Variants in DOCK9 observed in about 807,000 individuals in gnomAD.
DOCK9 encodes the protein dedicator of cytokinesis protein 9.
In DOCK9, 89 loss-of-function variants were observed where a neutral mutation model predicts 263.3. The observed-to-expected ratio is 0.34, with a 90% confidence interval of 0.28 to 0.40. The LOEUF is 0.40. Among genes scored for constraint, DOCK9 ranks in the 10% least tolerant of loss-of-function variants. The pLI is 1.00. For synonymous variants in DOCK9, 976 were observed against 973.1 expected (o/e 1.00, Z -0.06); for missense variants, 2,140 against 2,603.4 (o/e 0.82, Z 3.87).
Position 98,876,317 on chromosome 13 carries a change from C to T in DOCK9, c.2943+3581G>A, listed in dbSNP as rs573270931. On this transcript the variant is annotated intron_variant, in intron 27 of 52. Transcript: ENST00000682017. Reference sequence around the variant, plus strand: ...GACCAGCCTGGCCAACATGGTGAAACCCTGTCTCTATTAAAAATATAAAAT... The same window carrying T: ...GACCAGCCTGGCCAACATGGTGAAATCCTGTCTCTATTAAAAATATAAAAT... 6.6e-5 allele frequency among the ~76,000 whole-genome samples: 10 copies of T among 152,268 alleles called. No individual in the cohort carries two copies. In the South Asian group the frequency reaches 2.1e-3, roughly 32 times the overall value.
intron 52 of DOCK9, chr13:98,796,126 T>C: frequency 9.4e-6 from 10 of 1,069,082 alleles, no homozygotes; most frequent in Non-Finnish European, 1.4e-5. Context: ...TGCCAATGTC[T>C]GTAGTTGCTC....
chr13:98,948,853 C>A (rs1458655265), intron 2 of DOCK9, among the ~76,000 whole-genome samples: 2 of 152,176 alleles, frequency 1.3e-5, no homozygotes, highest in Non-Finnish European at 2.9e-5. Flanking sequence ...TCCTCAGGGT[C>A]CATCCATATT....
chr13:98,846,813 A>T (rs908816641), intron 37 of DOCK9: 3 of 352,444 alleles, frequency 8.5e-6, no homozygotes, highest in African/African-American at 4.3e-5. Flanking sequence ...AGTGTTCATC[A>T]AACTCGACCA....
rs1473662809 is a variant in DOCK9 at position 98,845,926 on chromosome 13, T to G, written c.4196A>C (p.His1399Pro). The G allele has an allele frequency of 1.2e-6, 2 of 1,613,144 alleles. No homozygotes were observed. Among genetic ancestry groups the G allele is most frequent in the Non-Finnish European group, 1.7e-6 (2 of 1,179,684 alleles). Residue 1399 changes from histidine (H) to proline (P), a missense_variant and splice_region_variant, in exon 38 of 53, where the codon CAC becomes CCC. Transcript: ENST00000682017. The stretch of plus-strand genomic sequence containing the variant: ...CGATGGCATGTCATGGGACTTACTG[T>G]GGTTAAAAGTGAGAGAGTTATCCAG... The part of the protein sequence containing the change: ...GSLDNSLTFN[H>P]SYGHSDADVL...
At chr13:98,908,272 G>A (rs2049419845) in intron 9 of DOCK9, among the ~76,000 whole-genome samples, 1 of 152,204 alleles carries the variant, frequency 6.6e-6, no homozygotes. Flanking sequence ...AAGATGCAGA[G>A]AAACAGAAAT....
intron 45 of DOCK9, among the ~76,000 whole-genome samples, chr13:98,815,788 G>A (rs1460632965): frequency 1.3e-5 from 2 of 152,144 alleles, no homozygotes; most frequent in Non-Finnish European, 2.9e-5. Context: ...GCCGAGAAAT[G>A]TAAAGTTTTT....
At chr13:98,884,201 A>T (rs1333691296) in intron 21 of DOCK9, among the ~76,000 whole-genome samples, 1 of 152,212 alleles carries the variant, frequency 6.6e-6, no homozygotes, top group Non-Finnish European at 1.5e-5. Flanking sequence ...TCTGAACCCA[A>T]CTTGAGCTCA....
chr13:99,078,193 C>T (rs908523476), intron 1 of DOCK9, among the ~76,000 whole-genome samples: 12 of 152,088 alleles, frequency 7.9e-5, no homozygotes, highest in Non-Finnish European at 1.6e-4. Flanking sequence ...AGGTCTAGGG[C>T]GGGGCACAAC....
intron 2 of DOCK9, among the ~76,000 whole-genome samples, chr13:98,948,353 CTTTCT>C (rs1447213886): frequency 6.6e-6 from 1 of 152,092 alleles, no homozygotes; most frequent in African/African-American, 2.4e-5. Flanking sequence ...CACTCCTATC[CTTTCT>C]TTTCAATTCT....
At chr13:98,998,442 G>C (rs187518565) in intron 1 of DOCK9, among the ~76,000 whole-genome samples, 1 of 152,106 alleles carries the variant, frequency 6.6e-6, no homozygotes, top group South Asian at 2.1e-4. Context: ...TTTTAACCTC[G>C]GATGCACTTA....
At position 98,910,632 on chromosome 13, in the gene DOCK9, C is replaced by T. The variant is rs759868162; in HGVS notation, c.960+3696G>A. The stretch of plus-strand genomic sequence containing the variant: ...CTTAGTCACAGTGGAAAACAAAAGC[C>T]GGGGCAACAGGATGAAGGAGGTTAG... On this transcript the variant is annotated intron_variant, in intron 9 of 52. Transcript: ENST00000682017. Among the ~76,000 whole-genome samples the T allele has an allele frequency of 4.1e-4, 62 of 152,206 alleles. 1 individual carries two copies. The highest frequency in any genetic ancestry group is 3.4e-3 in the Middle Eastern group (1 of 294).
At position 98,885,590 on chromosome 13, in the gene DOCK9, C is replaced by T. The variant is rs1259727092; in HGVS notation, c.2260+118G>A. 4 of 1,127,264 alleles carry T rather than the reference C, an allele frequency of 3.5e-6. No homozygotes were observed. In the African/African-American group the frequency reaches 6.3e-5, roughly 18 times the overall value. The allele number at this position is 1,127,264 out of a possible 1,614,324, so 69.8% of individuals were successfully genotyped here. A position where few individuals can be genotyped will look rare whatever the true frequency, so the allele number is the denominator to read the frequency against. On this transcript the variant is annotated intron_variant, in intron 20 of 52. Coordinates refer to ENST00000682017, the MANE Select transcript of DOCK9 (RefSeq NM_001366683.2). The stretch of plus-strand genomic sequence containing the variant: ...ACCCAGACATGCTACATATCCGTTA[C>T]CTATAAAATTCATTTAAAGATCCCT...
At chr13:98,981,793 A>C (rs1877278843), upstream of DOCK9, among the ~76,000 whole-genome samples, 1 of 152,220 alleles carries the variant, frequency 6.6e-6, no homozygotes, top group Admixed American at 6.5e-5. Context: ...TGGTTTCTCC[A>C]AAGGGCTCAT....
intron 1 of DOCK9, among the ~76,000 whole-genome samples, chr13:98,969,465 A>AAG (rs1205459569): frequency 1.3e-5 from 2 of 151,408 alleles, no homozygotes; most frequent in African/African-American, 4.9e-5. Context: ...GGGAGAAAGA[A>AAG]AAAAAAAAGA....
intron 1 of DOCK9, among the ~76,000 whole-genome samples, chr13:98,985,052 G>T (rs1878119490): frequency 7.2e-6 from 1 of 139,224 alleles, no homozygotes; most frequent in Non-Finnish European, 1.6e-5. Context: ...CGTGCTATCA[G>T]TGAAGAAGAC....
intron 37 of DOCK9, chr13:98,846,427 T>C (rs2093393987): frequency 5.8e-6 from 6 of 1,042,168 alleles, no homozygotes; most frequent in Non-Finnish European, 8.1e-6. Context: ...GCAAAAGACA[T>C]GTATTTTTTT....
Position 98,900,857 on chromosome 13 carries a change from C to T in DOCK9, c.1503+921G>A, listed in dbSNP as rs573383222. 5.3e-5 allele frequency among the ~76,000 whole-genome samples: 8 copies of T among 152,286 alleles called. No individual in the cohort carries two copies. The South Asian group carries it at 6.2e-4, about 12-fold the overall frequency. On this transcript the variant is annotated intron_variant, in intron 13 of 52. Transcript: ENST00000682017. ...TGTGGACACAGCTGTGATGCATGGG[C>T]GCCCATAGAGGTGAAGATAGGAAGC... is the stretch of plus-strand genomic sequence containing the variant.
chr13:98,937,296 G>C lies in DOCK9; in HGVS notation c.244-7039C>G, dbSNP rs148895554. ...TTGCTAGCATCTCACACAACTATTTGGATAGAAATCTTCACAGCACAAACA... is the reference window on the plus strand; with the variant it reads ...TTGCTAGCATCTCACACAACTATTTCGATAGAAATCTTCACAGCACAAACA... On this transcript the variant is annotated intron_variant, in intron 2 of 52. Coordinates refer to ENST00000682017, the MANE Select transcript of DOCK9 (RefSeq NM_001366683.2). Among the ~76,000 whole-genome samples the C allele has an allele frequency of 1.5e-3, 231 of 151,988 alleles. 1 individual carries two copies. The highest frequency in any genetic ancestry group is 5.4e-3 in the African/African-American group (223 of 41,470).
chr13:98,977,682 T>C (rs1467343314), intron 1 of DOCK9, 102 bp downstream of exon 1: 1 of 1,133,574 alleles, frequency 8.8e-7, no homozygotes, highest in Non-Finnish European at 1.2e-6. Context: ...CAGAGCAAGT[T>C]TTGAAATCAA....
Sources: gnomAD v4.1 joint callset for allele counts (sites outside exome capture counted in the v4.1 genomes callset) on GRCh38, gnomAD v4.1.1 for gene constraint, MANE v1.5 for transcripts, NCBI Gene and HGNC (gene_info 2026-07-23, HGNC 2026-07-21) for gene names.